PARD3: variants seen among roughly 807,000 people sequenced by gnomAD.
The protein encoded by PARD3 is partitioning defective 3 homolog.
Under a neutral mutation model 155.4 loss-of-function variants are expected in PARD3, and 75 were observed. The observed-to-expected ratio is 0.48, with a 90% CI of 0.40 to 0.58. The LOEUF (loss-of-function observed/expected upper bound fraction) is 0.58, where lower values mean the gene tolerates loss of function less well. Among genes scored for constraint, PARD3 ranks in the 20% least tolerant of loss-of-function variants. PARD3 has a pLI of 0.00. For missense variants in PARD3, 1,642 were observed against 1,721.7 expected (o/e 0.95, Z 0.82); for synonymous variants, 576 against 610.5 (o/e 0.94, Z 0.83).
chr10:34,243,306 A>C (rs1953725732), intron 22 of PARD3, among the ~76,000 whole-genome samples: 1 of 152,184 alleles, frequency 6.6e-6, no homozygotes, highest in African/African-American at 2.4e-5. Context: ...GATAGATGCA[A>C]ATCATCCTTA....
intron 1 of PARD3, among the ~76,000 whole-genome samples, chr10:34,728,178 AT>A (rs2094752623): frequency 6.6e-6 from 1 of 152,224 alleles, no homozygotes; most frequent in Non-Finnish European, 1.5e-5. Context: ...CTAGTTAAGA[AT>A]TTACCAAATT....
chr10:34,179,403 A>G (rs1337702719), intron 22 of PARD3, among the ~76,000 whole-genome samples: 1 of 152,242 alleles, frequency 6.6e-6, no homozygotes, highest in Non-Finnish European at 1.5e-5. Flanking sequence ...AATGGTTTCT[A>G]TCATCATGGT....
intron 7 of PARD3, among the ~76,000 whole-genome samples, chr10:34,385,305 T>C (rs1399904162): frequency 3.9e-5 from 6 of 152,036 alleles, no homozygotes. Flanking sequence ...AGCTAATTTT[T>C]TTGTATTTTT....
At chr10:34,142,274 G>A (rs370821384) in intron 22 of PARD3, among the ~76,000 whole-genome samples, 1 of 152,224 alleles carries the variant, frequency 6.6e-6, no homozygotes, top group Non-Finnish European at 1.5e-5. Context: ...TGGGTGCCGG[G>A]GCTTATCCCT....
At chr10:34,235,547 C>T (rs1281888473) in intron 22 of PARD3, among the ~76,000 whole-genome samples, 1 of 152,044 alleles carries the variant, frequency 6.6e-6, no homozygotes, top group Non-Finnish European at 1.5e-5. Context: ...CTTTTTTTCC[C>T]CAATTCATCT....
chr10:34,453,405 G>A (rs1029692118), intron 4 of PARD3, among the ~76,000 whole-genome samples: 4 of 152,042 alleles, frequency 2.6e-5, no homozygotes, highest in African/African-American at 9.7e-5. Flanking sequence ...ATCTTACAGG[G>A]AAGCCTGGGC....
At chr10:34,648,002 A>T (rs1273686684) in intron 2 of PARD3, among the ~76,000 whole-genome samples, 1 of 152,202 alleles carries the variant, frequency 6.6e-6, no homozygotes, top group East Asian at 1.9e-4. Context: ...ATATGTGCCA[A>T]TTCTAGACAG....
At chr10:34,493,425 TA>T (rs2080050095) in intron 3 of PARD3, among the ~76,000 whole-genome samples, 1 of 152,138 alleles carries the variant, frequency 6.6e-6, no homozygotes, top group Non-Finnish European at 1.5e-5. Flanking sequence ...GATGGTTAAA[TA>T]AAATTATTAA....
At chr10:34,619,260 G>A (rs1399965775) in intron 2 of PARD3, among the ~76,000 whole-genome samples, 8 of 151,944 alleles carry the variant, frequency 5.3e-5, no homozygotes, top group Non-Finnish European at 8.8e-5. Context: ...GTGTTGGCCA[G>A]GCTGGTCTCG....
chr10:34,619,709 G>A (rs1297026863), intron 2 of PARD3, among the ~76,000 whole-genome samples: 1 of 152,098 alleles, frequency 6.6e-6, no homozygotes, highest in East Asian at 1.9e-4. Flanking sequence ...AATATAAATA[G>A]CATTTTAGGA....
intron 22 of PARD3, among the ~76,000 whole-genome samples, chr10:34,260,738 G>C (rs1333017280): frequency 6.6e-6 from 1 of 152,172 alleles, no homozygotes; most frequent in Non-Finnish European, 1.5e-5. Flanking sequence ...TTCAAGAAAA[G>C]CAGAGGTAAG....
At chr10:34,139,587 C>A (rs957135199) in intron 22 of PARD3, among the ~76,000 whole-genome samples, 1 of 152,162 alleles carries the variant, frequency 6.6e-6, no homozygotes, top group African/African-American at 2.4e-5. Context: ...TTAAAGCAGA[C>A]ACCAGGACTG....
chr10:34,167,540 C>A (rs1949591973), intron 22 of PARD3, among the ~76,000 whole-genome samples: 1 of 150,994 alleles, frequency 6.6e-6, no homozygotes, highest in African/African-American at 2.4e-5. Context: ...CCAAAACCCT[C>A]AAGTCCTGAA....
At position 34,545,161 on chromosome 10, in the gene PARD3, A is replaced by C. The variant is rs529602674; in HGVS notation, c.223-28002T>G. Among the ~76,000 whole-genome samples, 9 of 152,304 alleles carry C rather than the reference A, an allele frequency of 5.9e-5. No homozygotes were observed. In the East Asian group the frequency reaches 1.7e-3, roughly 29 times the overall value. ...TTCCTCTTTCATCAGATTTTTATTT[A>C]ATTACCTGACTCAACAATAACCTAC... On this transcript the variant is annotated intron_variant, in intron 2 of 24. Coordinates refer to ENST00000374788, the MANE Select transcript of PARD3 (RefSeq NM_001184785.2).
intron 3 of PARD3, among the ~76,000 whole-genome samples, chr10:34,515,979 T>TC (rs562757444): frequency 2.4e-4 from 36 of 151,736 alleles, no homozygotes; most frequent in African/African-American, 8.7e-4. Flanking sequence ...ATCCTTTTTT[T>TC]TTTCTCTCAC....
intron 3 of PARD3, among the ~76,000 whole-genome samples, chr10:34,511,636 G>C (rs867778945): frequency 1.3e-5 from 2 of 149,242 alleles, no homozygotes; most frequent in Non-Finnish European, 3.0e-5. Flanking sequence ...ATACTAAGAA[G>C]TAATTTTTAA....
At chr10:34,327,327 A>G (rs1279561051) in intron 19 of PARD3, among the ~76,000 whole-genome samples, 2 of 152,184 alleles carry the variant, frequency 1.3e-5, no homozygotes, top group African/African-American at 4.8e-5. Context: ...ATGAGACACA[A>G]AAATGCTGGC....
chr10:34,257,718 A>G (rs1274630509), intron 22 of PARD3, among the ~76,000 whole-genome samples: 1 of 152,282 alleles, frequency 6.6e-6, no homozygotes, highest in Non-Finnish European at 1.5e-5. Context: ...TAAAATAAAT[A>G]CATAAATAAA....
At chr10:34,181,625 A>C (rs1482342395) in intron 22 of PARD3, among the ~76,000 whole-genome samples, 1 of 152,154 alleles carries the variant, frequency 6.6e-6, no homozygotes, top group Non-Finnish European at 1.5e-5. Flanking sequence ...CTTAATATTT[A>C]CAAATTTCCT....
Sources: gnomAD v4.1 joint callset for allele counts (sites outside exome capture counted in the v4.1 genomes callset) on GRCh38, gnomAD v4.1.1 for gene constraint, MANE v1.5 for transcripts, NCBI Gene and HGNC (gene_info 2026-07-23, HGNC 2026-07-21) for gene names.